DEPDC7: variants seen among roughly 807,000 people sequenced by gnomAD.
DEPDC7 encodes DEP domain containing 7.
A neutral mutation model predicts 56.6 loss-of-function variants in DEPDC7; 41 were observed. That is an observed-to-expected ratio of 0.72 (90% CI 0.56 to 0.94). The LOEUF (loss-of-function observed/expected upper bound fraction) is 0.94. Ranked by LOEUF, DEPDC7 falls within the 40% of genes least tolerant of loss-of-function variation. The pLI is 0.00. For synonymous variants in DEPDC7, 185 were observed against 208.8 expected, an observed-to-expected ratio of 0.89 and a Z score of 0.98; for missense variants, 522 against 596.3, an observed-to-expected ratio of 0.88 and a Z score of 1.30.
At chr11:33,020,968 G>T (rs376065981) in intron 1 of DEPDC7, among the ~76,000 whole-genome samples, 1 of 152,126 alleles carries the variant, frequency 6.6e-6, no homozygotes, top group Non-Finnish European at 1.5e-5. Flanking sequence ...GCTTGACCAG[G>T]CTGGGTGTGG....
chr11:33,019,878 CT>C (rs77915754), intron 1 of DEPDC7, among the ~76,000 whole-genome samples: 2,732 of 128,696 alleles, frequency 0.021, 45 homozygotes, highest in African/African-American at 0.054. Flanking sequence ...GATTCAGTTC[CT>C]TTTTTTTTTT....
chr11:33,027,491 T>C (rs1853590841), intron 2 of DEPDC7, among the ~76,000 whole-genome samples, 195 bp from the exon 3 acceptor site: 1 of 152,200 alleles, frequency 6.6e-6, no homozygotes, highest in South Asian at 2.1e-4. Context: ...TAAGAAAATA[T>C]TCAAAGGAGA....
chr11:33,030,006 C>T (rs1207079012), intron 4 of DEPDC7, among the ~76,000 whole-genome samples: 1 of 152,096 alleles, frequency 6.6e-6, no homozygotes, highest in Non-Finnish European at 1.5e-5. Flanking sequence ...GTCGCCCAGG[C>T]TGGAGTGCAG....
chr11:33,031,703 A>G lies in DEPDC7; in HGVS notation c.994+114A>G, dbSNP rs939327195. The G allele has an allele frequency of 5.0e-6, 4 of 801,304 alleles. No homozygotes were observed. In the African/African-American group the frequency reaches 5.2e-5, roughly 10 times the overall value. The allele number at this position is 801,304 out of a possible 1,614,324, so 49.6% of individuals were successfully genotyped here. A position where few individuals can be genotyped will look rare whatever the true frequency, so the allele number is the denominator to read the frequency against. On this transcript the variant is annotated intron_variant, in intron 5 of 8. Transcript: ENST00000241051. ...TACAAGCTGGGAGTGGATCTGGATT[A>G]ATTCATGGAAAGTATGTTTGTTCAA... is the stretch of plus-strand genomic sequence containing the variant.
intron 1 of DEPDC7, chr11:33,016,414 C>A: frequency 6.5e-7 from 1 of 1,531,218 alleles, no homozygotes. Context: ...TCTTTGCCCC[C>A]TGTCTCAACC....
chr11:33,026,608 C>A (rs28406816), intron 2 of DEPDC7: 42,754 of 166,068 alleles, frequency 0.26, 5,780 homozygotes, highest in South Asian at 0.35. Flanking sequence ...TATTCATTTT[C>A]GTGTGTGTGT....
At chr11:33,033,074 A>G in intron 8 of DEPDC7, 107 bp downstream of exon 8, 1 of 1,023,510 alleles carries the variant, frequency 9.8e-7, no homozygotes, top group Non-Finnish European at 1.4e-6. Flanking sequence ...CCAAATTTAA[A>G]ACATTCTCCT....
At chr11:33,022,721 A>G (rs1853535355) in intron 1 of DEPDC7, among the ~76,000 whole-genome samples, 1 of 152,212 alleles carries the variant, frequency 6.6e-6, no homozygotes, top group Non-Finnish European at 1.5e-5. Flanking sequence ...TCTGGATACC[A>G]GAAATGACCT....
At chr11:33,030,068 T>C (rs1423680002) in intron 4 of DEPDC7, among the ~76,000 whole-genome samples, 2 of 152,168 alleles carry the variant, frequency 1.3e-5, no homozygotes, top group African/African-American at 4.8e-5. Context: ...CAAGCGATTC[T>C]TCTGCCTCAG....
intron 1 of DEPDC7, among the ~76,000 whole-genome samples, chr11:33,017,778 G>T (rs945770607): frequency 3.3e-5 from 5 of 152,096 alleles, no homozygotes; most frequent in African/African-American, 1.2e-4. Context: ...TACCTTAAAG[G>T]GGCTGTAATG....
At chr11:33,028,560 A>AAAATATATGGTGAG in intron 3 of DEPDC7, 43 bp from the exon 4 acceptor site, 1 of 1,469,848 alleles carries the variant, frequency 6.8e-7, no homozygotes, top group Non-Finnish European at 9.2e-7. Flanking sequence ...GCATATAGTA[A>AAAATATATGGTGAG]CTATTAATTG....
chr11:33,020,116 G>C (rs896867158), intron 1 of DEPDC7, among the ~76,000 whole-genome samples: 1 of 152,008 alleles, frequency 6.6e-6, no homozygotes, highest in East Asian at 1.9e-4. Flanking sequence ...TTCACAGTAG[G>C]ACTAGGGTTG....
chr11:33,027,011 C>A (rs1230189812), intron 2 of DEPDC7, among the ~76,000 whole-genome samples: 1 of 152,096 alleles, frequency 6.6e-6, no homozygotes, highest in Non-Finnish European at 1.5e-5. Context: ...TAAAGTAAGG[C>A]ACAGTCAAAA....
In DEPDC7 at chr11:33,031,595, T is replaced by G; in HGVS notation, c.994+6T>G. 1 of 1,605,258 alleles carries G rather than the reference T, an allele frequency of 6.2e-7. No homozygotes were observed. Among genetic ancestry groups the G allele is most frequent in the Non-Finnish European group, 8.5e-7 (1 of 1,171,964 alleles). ...TGGAATTGCAGAACTCTTAGGTAAG[T>G]AAGATCTAACTGGATACTAGCATTT... is the stretch of plus-strand genomic sequence containing the variant. On this transcript the variant is annotated splice_donor_region_variant and intron_variant, in intron 5 of 8. Transcript: ENST00000241051.
rs549770939 is a variant in DEPDC7, at chr11:33,019,386, C to T, written c.73+3358C>T. Among the ~76,000 whole-genome samples the T allele has an allele frequency of 8.5e-5, 13 of 152,078 alleles. 1 individual carries two copies. In the South Asian group the frequency reaches 2.7e-3, roughly 32 times the overall value. ...TTCCTTTAAAAATTTTTTTTATGAA[C>T]GGGGTGTAGTGGCTCACACCTGTAA... On this transcript the variant is annotated intron_variant, in intron 1 of 8. Transcript: ENST00000241051.
At chr11:33,026,274 T>A in intron 2 of DEPDC7, 2 of 549,958 alleles carry the variant, frequency 3.6e-6, no homozygotes, top group Non-Finnish European at 3.2e-6. Context: ...TTGATTTTCC[T>A]GCTTCAGGTT....
rs751576236 is a variant in DEPDC7, at chr11:33,032,976, A to G, written c.1342+9A>G. On this transcript the variant is annotated intron_variant, in intron 8 of 8. Coordinates refer to ENST00000241051, the MANE Select transcript of DEPDC7 (RefSeq NM_001077242.2). The stretch of plus-strand genomic sequence containing the variant: ...TCCAAATAGAGATGCAGGTAATCTG[A>G]GAAATATTATTTTCATGATCTTCCA... 1.5e-5 allele frequency: 24 copies of G among 1,554,660 alleles called. No homozygotes were observed. Among genetic ancestry groups the G allele is most frequent in the Non-Finnish European group, 2.0e-5 (23 of 1,144,348 alleles).
intron 3 of DEPDC7, 33 bp downstream of exon 3, chr11:33,027,846 A>G: frequency 6.7e-7 from 1 of 1,490,568 alleles, no homozygotes; most frequent in South Asian, 1.4e-5. Context: ...TAAGAAGTAG[A>G]AGACAAACTT....
chr11:33,016,152 C>G, intron 1 of DEPDC7, 124 bp downstream of exon 1: 1 of 1,236,458 alleles, frequency 8.1e-7, no homozygotes, highest in African/African-American at 1.6e-5. Flanking sequence ...GCCGGCTGGG[C>G]GAGCACAGCA....
Sources: gnomAD v4.1 joint callset for allele counts (sites outside exome capture counted in the v4.1 genomes callset) on GRCh38, gnomAD v4.1.1 for gene constraint, MANE v1.5 for transcripts, NCBI Gene and HGNC (gene_info 2026-07-23, HGNC 2026-07-21) for gene names.